Variants in FGD4 observed in about 807,000 individuals in gnomAD.
The protein encoded by FGD4 is FYVE, RhoGEF and PH domain-containing protein 4.
A neutral mutation model predicts 102.0 loss-of-function variants in FGD4; 42 were observed. That is an observed-to-expected ratio of 0.41 (90% confidence interval 0.32 to 0.53). FGD4 has a LOEUF of 0.53. Ranked by LOEUF, FGD4 falls within the 20% of genes least tolerant of loss-of-function variation. The pLI, the probability that FGD4 is intolerant of heterozygous loss-of-function variation, is 0.21. For missense variants in FGD4, 902 were observed against 1,078.2 expected (o/e 0.84, Z 2.29); for synonymous variants, 380 against 375.7 (o/e 1.01, Z -0.13).
chr12:32,450,392 T>C (rs1942742126), intron 1 of FGD4, among the ~76,000 whole-genome samples: 2 of 151,948 alleles, frequency 1.3e-5, no homozygotes, highest in African/African-American at 4.8e-5. Context: ...TTTATCACAC[T>C]TTAAGTTTAT....
rs751035912 is a variant in FGD4 at position 32,633,660 on chromosome 12, GAAGAA to G, written c.2298_2302del (p.Lys767AsnfsTer5). 38 of 1,606,206 alleles carry G rather than the reference GAAGAA, an allele frequency of 2.4e-5. No homozygotes were observed. The highest frequency in any genetic ancestry group is 4.5e-5 in the East Asian group (2 of 44,778). On this transcript the variant is annotated frameshift_variant, in exon 15 of 17. Coordinates refer to ENST00000534526, the MANE Select transcript of FGD4 (RefSeq NM_001370298.3). LOFTEE classifies it high-confidence loss of function. Reference sequence around the variant, plus strand: ...AATCATAAGTGGATTCACAGACAGTGAAGAAAAGAAAAGAAAAGGAATTTTAGAGG... The same window carrying G: ...AATCATAAGTGGATTCACAGACAGTGAAGAAAAGAAAAGGAATTTTAGAGG...
At chr12:32,552,371 T>A (rs1341312575) in intron 1 of FGD4, among the ~76,000 whole-genome samples, 1 of 151,774 alleles carries the variant, frequency 6.6e-6, no homozygotes, top group African/African-American at 2.4e-5. Context: ...GCGATTCTCC[T>A]GCTTCAGCCT....
At chr12:32,533,385 C>A (rs74237195) in intron 1 of FGD4, among the ~76,000 whole-genome samples, 1 of 152,094 alleles carries the variant, frequency 6.6e-6, no homozygotes, top group Non-Finnish European at 1.5e-5. Flanking sequence ...CCTGTTAACT[C>A]ATTATGATTT....
At position 32,540,579 on chromosome 12, in the gene FGD4, T is replaced by TTG. The variant is rs1480158936; in HGVS notation, c.167-23555_167-23554dup. On this transcript the variant is annotated intron_variant, in intron 1 of 16. Transcript: ENST00000534526. ...TTTCTTTCTTTTCTTTTTTTTTTTT[T>TTG]TGTGAGACAGAGTTTCACTCTTGTC... is the stretch of plus-strand genomic sequence containing the variant. Among the ~76,000 whole-genome samples the TTG allele has an allele frequency of 5.6e-3, 840 of 151,012 alleles. 10 individuals are homozygous for TTG. The highest frequency in any genetic ancestry group is 0.019 in the African/African-American group (780 of 41,066).
At chr12:32,542,069 A>G (rs917204680) in intron 1 of FGD4, among the ~76,000 whole-genome samples, 1 of 152,126 alleles carries the variant, frequency 6.6e-6, no homozygotes, top group South Asian at 2.1e-4. Flanking sequence ...TTAAAGTAGC[A>G]GCTTTTGGGT....
chr12:32,498,632 G>A (rs1259741381), intron 1 of FGD4, among the ~76,000 whole-genome samples: 3 of 152,108 alleles, frequency 2.0e-5, no homozygotes, highest in Non-Finnish European at 4.4e-5. Context: ...GTTTGAGACA[G>A]AGTCTCTGTC....
chr12:32,441,337 TAA>T (rs1008120695), intron 1 of FGD4, among the ~76,000 whole-genome samples: 4 of 152,030 alleles, frequency 2.6e-5, no homozygotes, highest in Non-Finnish European at 5.9e-5. Flanking sequence ...ATTCAGCGTC[TAA>T]AGTCTCTTCA....
At chr12:32,585,222 T>TTATTTATATA (rs960851781) in intron 4 of FGD4, among the ~76,000 whole-genome samples, 2 of 116,142 alleles carry the variant, frequency 1.7e-5, no homozygotes, top group African/African-American at 6.1e-5. Flanking sequence ...CTCAAAAATT[T>TTATTTATATA]TATATATATA....
chr12:32,491,132 T>A (rs1474110816), intron 1 of FGD4, among the ~76,000 whole-genome samples: 11 of 106,558 alleles, frequency 1.0e-4, no homozygotes, highest in East Asian at 2.8e-4. Flanking sequence ...TTCTGCCAGT[T>A]AAAAAAAAAA....
At chr12:32,575,711 T>G (rs1946070696) in intron 2 of FGD4, among the ~76,000 whole-genome samples, 1 of 152,198 alleles carries the variant, frequency 6.6e-6, no homozygotes, top group African/African-American at 2.4e-5. Context: ...AGTATAAAAT[T>G]TCATCAAAGA....
intron 1 of FGD4, among the ~76,000 whole-genome samples, chr12:32,413,086 A>T (rs112199328): frequency 0.055 from 8,256 of 150,650 alleles, 273 homozygotes; most frequent in South Asian, 0.12. Flanking sequence ...CCAAAAAAAA[A>T]TTTTTTTTAA....
At chr12:32,501,490 T>C (rs940465541) in intron 1 of FGD4, among the ~76,000 whole-genome samples, 3 of 152,186 alleles carry the variant, frequency 2.0e-5, no homozygotes, top group African/African-American at 7.2e-5. Flanking sequence ...ACTCAGTACA[T>C]AGTATAAAAT....
At chr12:32,551,954 C>T (rs191667569) in intron 1 of FGD4, among the ~76,000 whole-genome samples, 2 of 152,240 alleles carry the variant, frequency 1.3e-5, no homozygotes, top group East Asian at 1.9e-4. Flanking sequence ...AGCAGTAACA[C>T]GAGGTGTTTT....
At chr12:32,429,273 A>C (rs569752172) in intron 1 of FGD4, among the ~76,000 whole-genome samples, 2 of 152,338 alleles carry the variant, frequency 1.3e-5, no homozygotes, top group East Asian at 1.9e-4. Context: ...TCCTTCTAAC[A>C]GTCAGGGTCC....
At chr12:32,585,303 G>A (rs1281428026) in intron 4 of FGD4, among the ~76,000 whole-genome samples, 1 of 147,582 alleles carries the variant, frequency 6.8e-6, no homozygotes, top group Non-Finnish European at 1.5e-5. Flanking sequence ...GAACTGAACG[G>A]TGAACTCAGA....
chr12:32,524,043 A>G (rs1414832533), intron 1 of FGD4, among the ~76,000 whole-genome samples: 2 of 151,992 alleles, frequency 1.3e-5, no homozygotes, highest in African/African-American at 4.8e-5. Context: ...ACTGGAATCC[A>G]AAGAAATTAA....
intron 1 of FGD4, among the ~76,000 whole-genome samples, chr12:32,526,700 C>T (rs1268648554): frequency 6.6e-6 from 1 of 152,192 alleles, no homozygotes; most frequent in South Asian, 2.1e-4. Context: ...CTGCTGCTCA[C>T]TCTTTGGGTC....
intron 2 of FGD4, among the ~76,000 whole-genome samples, chr12:32,566,224 G>A (rs1945177508): frequency 6.6e-6 from 1 of 152,072 alleles, no homozygotes; most frequent in African/African-American, 2.4e-5. Flanking sequence ...AGGGTGGAAG[G>A]GGTGAGAGGT....
chr12:32,504,914 G>A (rs1938560575), intron 1 of FGD4, among the ~76,000 whole-genome samples: 1 of 152,146 alleles, frequency 6.6e-6, no homozygotes, highest in East Asian at 1.9e-4. Context: ...AATTAATGGC[G>A]ATTAAATTTC....
Sources: allele counts gnomAD v4.1 joint callset (sites outside exome capture counted in the v4.1 genomes callset), GRCh38; gene constraint gnomAD v4.1.1; transcripts MANE v1.5; gene names NCBI Gene and HGNC (gene_info 2026-07-23, HGNC 2026-07-21).